The following NSD3 variants were observed in gnomAD, a reference collection of about 807,000 sequenced individuals.
The protein encoded by NSD3 is histone-lysine N-methyltransferase NSD3.
NSD3 carries 24 observed loss-of-function variants against 160.8 expected under a neutral mutation model. The observed-to-expected ratio is 0.15, with a 90% CI of 0.11 to 0.21. NSD3 has a LOEUF of 0.21. Ranked by LOEUF, NSD3 falls within the 10% of genes least tolerant of loss-of-function variation. NSD3 has a pLI of 1.00. For missense variants in NSD3, 1,157 were observed against 1,735.9 expected (o/e 0.67, Z 5.93); for synonymous variants, 520 against 600.0 (o/e 0.87, Z 1.95).
rs764633740 is a variant in NSD3, at chr8:38,295,893, T to C, written c.2818A>G (p.Ile940Val). 2 of 1,614,064 alleles carry C rather than the reference T, an allele frequency of 1.2e-6. No individual in the cohort carries two copies. Among genetic ancestry groups the C allele is most frequent in the Admixed American group, 1.7e-5 (1 of 60,008 alleles). Residue 940 changes from isoleucine to valine, a missense_variant, in exon 16 of 24, where the codon ATA (isoleucine) becomes GTA (valine). Ile to Val is a conservative substitution (Grantham distance 29, BLOSUM62 3). Around this residue, in one of 10 missense-constraint regions of NSD3, gnomAD observed 437 missense variants for 576.6 expected, o/e 0.76. Coordinates refer to ENST00000317025, the MANE Select transcript of NSD3 (RefSeq NM_023034.2). Reference protein sequence around the residue: ...PASFHPECLSIEMPEGCWNCN... With the variant: ...PASFHPECLSVEMPEGCWNCN... ...TTCCAGCAGCCTTCTGGCATTTCTA[T>C]GCTTAGGCATTCCGGGTGGAAGGAA... is the stretch of plus-strand genomic sequence containing the variant.
At position 38,270,705 on chromosome 8, in the gene NSD3, T is replaced by C. The variant is rs1218188080; in HGVS notation, c.*4936A>G. 6.6e-6 allele frequency: 1 copy of C among 152,260 alleles called. No homozygotes were observed. The highest frequency in any genetic ancestry group is 1.5e-5 in the Non-Finnish European group (1 of 68,050). The allele number at this position is 152,260 out of a possible 1,614,324, so 9.4% of individuals were successfully genotyped here. On this transcript the variant is annotated 3_prime_UTR_variant, in exon 24 of 24. Transcript: ENST00000317025. ...GGGGAGCAGTAAAAGCTGAGGGTGC[T>C]TTCTCACTAACTAGCAGATGCAGTA...
rs959270986 is a variant in NSD3 at position 38,317,142 on chromosome 8, G to A, written c.1856-1100C>T. On this transcript the variant is annotated intron_variant, in intron 9 of 23. Transcript: ENST00000317025. The surrounding 1 kb of genome is among the most constrained non-coding windows in gnomAD (Gnocchi z 5.3). Reference sequence around the variant, plus strand: ...TGAAGATCCGCAACAGGCTGAGTGAGAGTAGCACTTGGAACATAGCCACGT... The same window carrying A: ...TGAAGATCCGCAACAGGCTGAGTGAAAGTAGCACTTGGAACATAGCCACGT... 119 of 1,062,898 alleles carry A rather than the reference G, an allele frequency of 1.1e-4. No homozygotes were observed. The highest frequency in any genetic ancestry group is 4.2e-4 in the Middle Eastern group (1 of 2,406). The allele number at this position is 1,062,898 out of a possible 1,614,324, so 65.8% of individuals were successfully genotyped here. A position where few individuals can be genotyped will look rare whatever the true frequency, so the allele number is the denominator to read the frequency against.
intron 2 of NSD3, 22 bp from the exon 3 acceptor site, chr8:38,338,629 A>T: frequency 6.3e-7 from 1 of 1,589,414 alleles, no homozygotes; most frequent in Non-Finnish European, 8.6e-7. Context: ...GGTATAGGTA[A>T]GTAGAATAAA....
At chr8:38,357,141 A>AAAAAT (rs1810845519) in intron 1 of NSD3, among the ~76,000 whole-genome samples, 1 of 151,106 alleles carries the variant, frequency 6.6e-6, no homozygotes, top group Non-Finnish European at 1.5e-5. Context: ...AAAAAAAAAA[A>AAAAAT]AAAAATCCTT....
At chr8:38,277,810 A>G (rs1585848530) in intron 22 of NSD3, among the ~76,000 whole-genome samples, 1 of 152,140 alleles carries the variant, frequency 6.6e-6, no homozygotes, top group Non-Finnish European at 1.5e-5. Context: ...AACAGACCTT[A>G]CTGAAACAAG....
chr8:38,355,600 C>A (rs1268802137), intron 1 of NSD3, among the ~76,000 whole-genome samples: 1 of 152,092 alleles, frequency 6.6e-6, no homozygotes, highest in Non-Finnish European at 1.5e-5. Flanking sequence ...GGCAAGGAGG[C>A]ATTTAGGCCA....
intron 4 of NSD3, among the ~76,000 whole-genome samples, chr8:38,333,012 T>C (rs1810103830): frequency 6.6e-6 from 1 of 151,964 alleles, no homozygotes; most frequent in South Asian, 2.1e-4. Context: ...TTATAATTAG[T>C]CAAAGAAGAT....
At chr8:38,294,533 C>A (rs1345666578) in intron 16 of NSD3, among the ~76,000 whole-genome samples, 1 of 152,188 alleles carries the variant, frequency 6.6e-6, no homozygotes, top group Non-Finnish European at 1.5e-5. Flanking sequence ...ATGGAATAAT[C>A]TCTCCTTAAA....
At chr8:38,366,701 C>T (rs1358698324) in intron 1 of NSD3, among the ~76,000 whole-genome samples, 1 of 152,092 alleles carries the variant, frequency 6.6e-6, no homozygotes, top group African/African-American at 2.4e-5. Context: ...TGTGAGCCAA[C>T]GTGCCCAGCC....
At chr8:38,334,787 T>C (rs1810170512) in intron 4 of NSD3, among the ~76,000 whole-genome samples, 1 of 151,904 alleles carries the variant, frequency 6.6e-6, no homozygotes, top group Admixed American at 6.6e-5. Flanking sequence ...ACAGGTGAAT[T>C]TTATGATATG....
intron 14 of NSD3, among the ~76,000 whole-genome samples, chr8:38,302,106 A>C (rs932069967): frequency 4.6e-5 from 7 of 152,236 alleles, no homozygotes; most frequent in African/African-American, 1.7e-4. Flanking sequence ...CAGACATTGT[A>C]GTCCTTAAGA....
At position 38,317,659 on chromosome 8, in the gene NSD3, CAAAA is replaced by C; in HGVS notation, c.1855+1232_1855+1235del. 1.7e-6 allele frequency: 2 copies of C among 1,205,132 alleles called. No homozygotes were observed. Among genetic ancestry groups the C allele is most frequent in the Non-Finnish European group, 2.1e-6 (2 of 964,964 alleles). 74.7% of individuals were successfully genotyped at this position (1,205,132 alleles called of 1,614,324 possible). A position where few individuals can be genotyped will look rare whatever the true frequency, so the allele number is the denominator to read the frequency against. ...GCATTAATGATGCTTTATTTAAAAA[CAAAA>C]AACCAAAAACAGTCCATGTTGAAAT... On this transcript the variant is annotated intron_variant, in intron 9 of 23. Transcript: ENST00000317025. The surrounding 1 kb of genome is among the most constrained non-coding windows in gnomAD (Gnocchi z 5.3).
Position 38,317,847 on chromosome 8 carries a change from G to A in NSD3, c.1855+1048C>T. ...CAGGAAAATGCCAATAATGATGATT[G>A]GCGAAATCAAAATCGAAAACAAAGA... On this transcript the variant is annotated intron_variant, in intron 9 of 23. Coordinates refer to ENST00000317025, the MANE Select transcript of NSD3 (RefSeq NM_023034.2). This position sits in a 1 kb window ranked among gnomAD's most constrained non-coding sequence, Gnocchi z 5.3. 1 of 1,530,180 alleles carries A rather than the reference G, an allele frequency of 6.5e-7. No individual in the cohort carries two copies. Among genetic ancestry groups the A allele is most frequent in the East Asian group, 2.3e-5 (1 of 43,046 alleles). 94.8% of individuals were successfully genotyped at this position (1,530,180 alleles called of 1,614,324 possible).
intron 1 of NSD3, among the ~76,000 whole-genome samples, chr8:38,371,866 T>C (rs1406458946): frequency 6.6e-6 from 1 of 152,218 alleles, no homozygotes; most frequent in East Asian, 1.9e-4. Flanking sequence ...ATTCAAATTT[T>C]TCTGCTATCC....
rs756283765 is a variant in NSD3 at position 38,270,360 on chromosome 8, CTG to C, written c.*5279_*5280del. 71 of 152,274 alleles carry C rather than the reference CTG, an allele frequency of 4.7e-4. No homozygotes were observed. The highest frequency in any genetic ancestry group is 4.4e-3 in the Admixed American group (67 of 15,290). 9.4% of individuals were successfully genotyped at this position (152,274 alleles called of 1,614,324 possible). A position where few individuals can be genotyped will look rare whatever the true frequency, so the allele number is the denominator to read the frequency against. On this transcript the variant is annotated 3_prime_UTR_variant, in exon 24 of 24. Transcript: ENST00000317025. The stretch of plus-strand genomic sequence containing the variant: ...AAATGAAAACGGAGTCTGTAGGTAT[CTG>C]TGTTTGTTGTGCAATATCACTCAAA...
At chr8:38,293,659 A>G (rs1218545084) in intron 16 of NSD3, among the ~76,000 whole-genome samples, 1 of 152,060 alleles carries the variant, frequency 6.6e-6, no homozygotes, top group Non-Finnish European at 1.5e-5. Context: ...ACAGTGGCTC[A>G]CATCTGTAAT....
chr8:38,292,714 G>A (rs1458799097), intron 16 of NSD3, among the ~76,000 whole-genome samples: 6 of 151,992 alleles, frequency 3.9e-5, no homozygotes, highest in Admixed American at 6.6e-5. Flanking sequence ...GCGTGAACCC[G>A]GGAGGCAGAG....
rs1809752837 is a variant in NSD3, at chr8:38,319,719, T to C, written c.1810-779A>G. ...TTTAAGATGTGGTGAAATATGAATG[T>C]TGAAACACATTTTGTAAATATTTAA... On this transcript the variant is annotated intron_variant, in intron 8 of 23. Coordinates refer to ENST00000317025, the MANE Select transcript of NSD3 (RefSeq NM_023034.2). The surrounding 1 kb of genome is among the most constrained non-coding windows in gnomAD (Gnocchi z 4.1). 6.6e-6 allele frequency: 1 copy of C among 152,236 alleles called. No individual in the cohort carries two copies. Among genetic ancestry groups the C allele is most frequent in the South Asian group, 2.1e-4 (1 of 4,838 alleles). 9.4% of individuals were successfully genotyped at this position (152,236 alleles called of 1,614,324 possible). A position where few individuals can be genotyped will look rare whatever the true frequency, so the allele number is the denominator to read the frequency against.
At chr8:38,284,628 C>T (rs1808815405) in intron 19 of NSD3, among the ~76,000 whole-genome samples, 1 of 152,138 alleles carries the variant, frequency 6.6e-6, no homozygotes, top group African/African-American at 2.4e-5. Context: ...CTCAAATGAT[C>T]CACCTGCCTC....
Sources: gnomAD v4.1 joint callset for allele counts (sites outside exome capture counted in the v4.1 genomes callset) on GRCh38, gnomAD v4.1.1 for gene constraint, gnomAD v4.1.1 regional missense constraint, Gnocchi (gnomAD v3.1) non-coding constraint, MANE v1.5 for transcripts, NCBI Gene and HGNC (gene_info 2026-07-23, HGNC 2026-07-21) for gene names.